The following SKIC3 variants were observed in gnomAD, a reference collection of about 807,000 sequenced individuals.
SKIC3 encodes the protein superkiller complex protein 3.
the SKIC3 span, among the ~76,000 whole-genome samples, chr5:95,551,117 A>G: frequency 6.6e-6 from 1 of 152,180 alleles, no homozygotes; most frequent in African/African-American, 2.4e-5. Flanking sequence ...ATAATATAAT[A>G]CAATTATATT....
the SKIC3 span, among the ~76,000 whole-genome samples, chr5:95,480,810 C>T: frequency 6.6e-6 from 1 of 152,212 alleles, no homozygotes; most frequent in South Asian, 2.1e-4. Context: ...AATTATGGTA[C>T]ATGAAACCAC....
chr5:95,511,404 C>G, the SKIC3 span, among the ~76,000 whole-genome samples: 1 of 152,174 alleles, frequency 6.6e-6, no homozygotes, highest in African/African-American at 2.4e-5. Context: ...CAGAGCGAGA[C>G]TCCGTCTCAA....
the SKIC3 span, among the ~76,000 whole-genome samples, chr5:95,533,555 C>A: frequency 6.6e-6 from 1 of 152,182 alleles, no homozygotes. Context: ...CTCAGTTCCA[C>A]AAATTCCTGC....
At chr5:95,521,912 A>G in the SKIC3 span, 1 of 938,916 alleles carries the variant, frequency 1.1e-6, no homozygotes, top group Non-Finnish European at 1.6e-6. Context: ...TATAAGCTAT[A>G]CTGTAAGAGG....
the SKIC3 span, among the ~76,000 whole-genome samples, chr5:95,548,028 TTTC>T: frequency 6.6e-6 from 1 of 152,114 alleles, no homozygotes; most frequent in African/African-American, 2.4e-5. Flanking sequence ...AGAGAAAGTA[TTTC>T]TTCATTTAGT....
the SKIC3 span, among the ~76,000 whole-genome samples, chr5:95,486,792 T>C: frequency 2.6e-5 from 4 of 152,114 alleles, no homozygotes; most frequent in Admixed American, 6.5e-5. Context: ...GCTCAGTCCA[T>C]TGCAGCCACC....
the SKIC3 span, among the ~76,000 whole-genome samples, chr5:95,517,591 G>C: frequency 6.6e-6 from 1 of 151,962 alleles, no homozygotes; most frequent in African/African-American, 2.4e-5. Flanking sequence ...CAGCAATCAC[G>C]CAAATAAATA....
the SKIC3 span, chr5:95,521,364 T>C: frequency 1.3e-5 from 2 of 153,186 alleles, no homozygotes; most frequent in Non-Finnish European, 2.9e-5. Context: ...CAATATACTA[T>C]TTATGTGCTC....
the SKIC3 span, chr5:95,497,396 A>G: frequency 6.3e-7 from 1 of 1,598,318 alleles, no homozygotes; most frequent in Admixed American, 1.7e-5. Flanking sequence ...TCTTTGCTAG[A>G]ATTTGAAACG....
At chr5:95,549,353 A>G in the SKIC3 span, among the ~76,000 whole-genome samples, 1 of 152,100 alleles carries the variant, frequency 6.6e-6, no homozygotes, top group Non-Finnish European at 1.5e-5. Context: ...AGAGCCTCAG[A>G]TTACAGATCC....
At chr5:95,517,216 C>T in the SKIC3 span, 1 of 1,613,230 alleles carries the variant, frequency 6.2e-7, no homozygotes, top group South Asian at 1.1e-5. Flanking sequence ...AGAAGGACTC[C>T]TAAAACATGA....
chr5:95,468,050 T>C, the SKIC3 span: 2 of 1,593,474 alleles, frequency 1.3e-6, no homozygotes, highest in Admixed American at 1.7e-5. Context: ...ATATTTCCTA[T>C]ACTAATCTCA....
At chr5:95,543,040 G>A in the SKIC3 span, 3 of 1,018,540 alleles carry the variant, frequency 2.9e-6, no homozygotes, top group Non-Finnish European at 2.8e-6. Context: ...TAACTTTTAG[G>A]TTTAGAAAAC....
the SKIC3 span, among the ~76,000 whole-genome samples, chr5:95,483,902 T>C: frequency 2.9e-4 from 44 of 151,980 alleles, no homozygotes; most frequent in Non-Finnish European, 5.6e-4. Context: ...CTCAACAATC[T>C]CCACAGTCAT....
At chr5:95,535,403 C>T in the SKIC3 span, among the ~76,000 whole-genome samples, 17 of 150,930 alleles carry the variant, frequency 1.1e-4, no homozygotes, top group East Asian at 2.7e-3. Context: ...CTCCGCCTCC[C>T]GGGTTCACGC....
At chr5:95,525,439 C>T in the SKIC3 span, 2 of 1,613,914 alleles carry the variant, frequency 1.2e-6, no homozygotes, top group East Asian at 2.2e-5. Flanking sequence ...TGAAATGAAT[C>T]AAAGCCTCAA....
chr5:95,521,978 T>C, the SKIC3 span: 1 of 1,590,056 alleles, frequency 6.3e-7, no homozygotes, highest in Non-Finnish European at 8.6e-7. Context: ...ATTCAATACA[T>C]TTAGGCAGGA....
chr5:95,477,920 T>A, the SKIC3 span, among the ~76,000 whole-genome samples: 2 of 152,164 alleles, frequency 1.3e-5, no homozygotes, highest in Non-Finnish European at 2.9e-5. Context: ...AAATCCCTCT[T>A]AGAGAATGTT....
the SKIC3 span, among the ~76,000 whole-genome samples, chr5:95,508,501 C>T: frequency 7.9e-5 from 12 of 152,126 alleles, no homozygotes; most frequent in African/African-American, 2.9e-4. Context: ...CTTGCTGTTC[C>T]TTCTGCCTAG....
Sources: gnomAD v4.1 joint callset for allele counts (sites outside exome capture counted in the v4.1 genomes callset) on GRCh38, gnomAD v4.1.1 for gene constraint, MANE v1.5 for transcripts, NCBI Gene and HGNC (gene_info 2026-07-23, HGNC 2026-07-21) for gene names.